Variants in SMO observed in about 807,000 individuals in gnomAD.
The protein encoded by SMO is protein smoothened.
Under a neutral mutation model 81.6 loss-of-function variants are expected in SMO, and 40 were observed. The observed-to-expected ratio is 0.49, with a 90% confidence interval of 0.38 to 0.64. SMO has a LOEUF of 0.64. SMO is among the 30% of genes least tolerant of loss of function. The pLI is 0.00. For synonymous variants in SMO, 434 were observed against 432.1 expected, an observed-to-expected ratio of 1.00 and a Z score of -0.05; for missense variants, 916 against 1,061.1, an observed-to-expected ratio of 0.86 and a Z score of 1.90.
rs1793884583 is a variant in SMO, at chr7:129,212,191, C to T, written c.2104C>T (p.Pro702Ser). ...HPPAPAPSTI[P>S]RLPQLPRQKC... ...CCCTGCCCCTGCCCCCAGTACCATT[C>T]CTCGACTGCCTCAGCTGCCCCGGCA... is the stretch of plus-strand genomic sequence containing the variant. The change falls in exon 12 of 12, where the codon CCT (proline) becomes TCT (serine). Residue 702 changes from proline to serine, a missense_variant. Around this residue, in one of 4 missense-constraint regions of SMO, gnomAD observed 324 missense variants for 312.9 expected, o/e 1.04. Transcript: ENST00000249373. This position sits in a 1 kb window ranked among gnomAD's most constrained non-coding sequence, Gnocchi z 5.0. 1 of 1,559,390 alleles carries T rather than the reference C, an allele frequency of 6.4e-7. No individual in the cohort carries two copies. Among genetic ancestry groups the T allele is most frequent in the African/African-American group, 1.4e-5 (1 of 73,370 alleles).
Position 129,206,351 on chromosome 7 carries a change from A to T in SMO, c.1122A>T (p.Ala374=), listed in dbSNP as rs772520827. Residue 374 remains alanine (A), a synonymous_variant, in exon 5 of 12, where the codon GCA becomes GCT. Coordinates refer to ENST00000249373, the MANE Select transcript of SMO (RefSeq NM_005631.5). The surrounding 1 kb of genome is among the most constrained non-coding windows in gnomAD (Gnocchi z 4.4). ...CACTCCCCTTTGTCCTCACTGTGGC[A>T]ATCCTTGCTGTGGCGCAGGTATAGT... is the stretch of plus-strand genomic sequence containing the variant. The part of the protein sequence containing the change: ...TWSLPFVLTV[A]ILAVAQVDGD... The T allele has an allele frequency of 1.2e-5, 19 of 1,614,144 alleles. No homozygotes were observed. The South Asian group carries it at 2.1e-4, about 18-fold the overall frequency.
rs2150656431 is a variant in SMO at position 129,212,091 on chromosome 7, C to T, written c.2004C>T (p.Arg668=). The change falls in exon 12 of 12, where the codon CGC becomes CGT. Residue 668 remains arginine (R), a synonymous_variant. Coordinates refer to ENST00000249373, the MANE Select transcript of SMO (RefSeq NM_005631.5). This position sits in a 1 kb window ranked among gnomAD's most constrained non-coding sequence, Gnocchi z 5.0. ...EAEISPELQK[R]LGRKKKRRKR... is the part of the protein sequence containing the mutation. Reference sequence around the variant, plus strand: ...AGATCTCCCCAGAGCTGCAGAAGCGCCTGGGCCGGAAGAAGAAGAGGAGGA... The same window carrying T: ...AGATCTCCCCAGAGCTGCAGAAGCGTCTGGGCCGGAAGAAGAAGAGGAGGA... 2 of 1,582,538 alleles carry T rather than the reference C, an allele frequency of 1.3e-6. No individual in the cohort carries two copies. The highest frequency in any genetic ancestry group is 1.1e-5 in the South Asian group (1 of 87,860).
chr7:129,206,192 G>A lies in SMO; in HGVS notation c.963G>A (p.Val321=), dbSNP rs781530603. The change falls in exon 5 of 12, where the codon GTG becomes GTA. Residue 321 remains valine, a synonymous_variant. Transcript: ENST00000249373. The surrounding 1 kb of genome is among the most constrained non-coding windows in gnomAD (Gnocchi z 4.4). ...TLSCVIIFVI[V]YYALMAGVVW... Reference sequence around the variant, plus strand: ...CCTGCGTCATCATCTTTGTCATCGTGTACTACGCCCTGATGGCTGGTGTGG... The same window carrying A: ...CCTGCGTCATCATCTTTGTCATCGTATACTACGCCCTGATGGCTGGTGTGG... The A allele has an allele frequency of 6.2e-6, 10 of 1,613,522 alleles. No homozygotes were observed. The highest frequency in any genetic ancestry group is 3.4e-6 in the Non-Finnish European group (4 of 1,179,672).
chr7:129,188,760 G>C lies in SMO; in HGVS notation c.-392G>C. 5.2e-6 allele frequency: 1 copy of C among 192,028 alleles called. No homozygotes were observed. 11.9% of individuals were successfully genotyped at this position (192,028 alleles called of 1,614,324 possible). A position where few individuals can be genotyped will look rare whatever the true frequency, so the allele number is the denominator to read the frequency against. On this transcript the variant is annotated 5_prime_UTR_variant, in exon 1 of 12. Coordinates refer to ENST00000249373, the MANE Select transcript of SMO (RefSeq NM_005631.5). The surrounding 1 kb of genome is among the most constrained non-coding windows in gnomAD (Gnocchi z 4.9). ...GCGGGCTGGCGCGGGGGCGGAGCCG[G>C]AGCTGCACTCGCACCCCCGGCCCGC...
rs369763964 is a variant in SMO, at chr7:129,210,348, G to C, written c.1467-15G>C. The C allele has an allele frequency of 5.0e-6, 8 of 1,603,314 alleles. No individual in the cohort carries two copies. Among genetic ancestry groups the C allele is most frequent in the Non-Finnish European group, 6.8e-6 (8 of 1,170,326 alleles). ...AGAAAGGAAAGCCTCACCTGTCTAC[G>C]TTCCCTCACTGTAGATGTCAGGCCA... On this transcript the variant is annotated splice_polypyrimidine_tract_variant and intron_variant, in intron 8 of 11. Transcript: ENST00000249373. The surrounding 1 kb of genome is among the most constrained non-coding windows in gnomAD (Gnocchi z 4.7).
At chr7:129,203,841 T>G (rs1234256487) in intron 2 of SMO, among the ~76,000 whole-genome samples, 3 of 152,132 alleles carry the variant, frequency 2.0e-5, no homozygotes, top group African/African-American at 4.8e-5. Flanking sequence ...TTGGGTGTTG[T>G]GGTGTTACGG....
In SMO at chr7:129,211,643, G is replaced by C; in HGVS notation, c.1809G>C (p.Leu603Phe). The C allele has an allele frequency of 1.9e-6, 3 of 1,612,874 alleles. No individual in the cohort carries two copies. The highest frequency in any genetic ancestry group is 2.5e-6 in the Non-Finnish European group (3 of 1,179,946). The part of the protein sequence containing the change: ...TVSHDGPVAG[L>F]AFDLNEPSAD... Reference sequence around the variant, plus strand: ...TTCCTTCCATTCCCACAGCGGGCTTGGCCTTTGACCTCAATGAGCCCTCAG... The same window carrying C: ...TTCCTTCCATTCCCACAGCGGGCTTCGCCTTTGACCTCAATGAGCCCTCAG... The change falls in exon 11 of 12, where the codon TTG becomes TTC. Residue 603 changes from leucine (L) to phenylalanine (F), a missense_variant. Around this residue, in one of 4 missense-constraint regions of SMO, gnomAD observed 324 missense variants for 312.9 expected, o/e 1.04. Transcript: ENST00000249373. The surrounding 1 kb of genome is among the most constrained non-coding windows in gnomAD (Gnocchi z 4.6).
chr7:129,203,427 G>T lies in SMO; in HGVS notation c.375G>T (p.Leu125=), dbSNP rs1332661231. 2 of 1,560,450 alleles carry T rather than the reference G, an allele frequency of 1.3e-6. No homozygotes were observed. The highest frequency in any genetic ancestry group is 1.7e-6 in the Non-Finnish European group (2 of 1,151,916). Residue 125 remains leucine (L), a synonymous_variant, in exon 2 of 12, where the codon CTG becomes CTT. Transcript: ENST00000249373. The part of the protein sequence containing the change: ...APRCWAVIQP[L]LCAVYMPKCE... Reference sequence around the variant, plus strand: ...GCTGCTGGGCAGTGATCCAGCCCCTGCTGTGTGCCGTATACATGCCCAAGT... The same window carrying T: ...GCTGCTGGGCAGTGATCCAGCCCCTTCTGTGTGCCGTATACATGCCCAAGT...
rs1312680005 is a variant in SMO at position 129,211,363 on chromosome 7, C to T, written c.1801+250C>T. The stretch of plus-strand genomic sequence containing the variant: ...TTCCAAGAAGACTCCCCTCCCTCTC[C>T]CTTCTCATAAATTCTCCAGTTGCTC... On this transcript the variant is annotated intron_variant, in intron 10 of 11. Transcript: ENST00000249373. The surrounding 1 kb of genome is among the most constrained non-coding windows in gnomAD (Gnocchi z 4.6). 1.4e-6 allele frequency: 1 copy of T among 708,326 alleles called. No individual in the cohort carries two copies. Among genetic ancestry groups the T allele is most frequent in the African/African-American group, 1.7e-5 (1 of 57,372 alleles). 43.9% of individuals were successfully genotyped at this position (708,326 alleles called of 1,614,324 possible). A position where few individuals can be genotyped will look rare whatever the true frequency, so the allele number is the denominator to read the frequency against.
intron 1 of SMO, among the ~76,000 whole-genome samples, chr7:129,191,153 T>A (rs980744435): frequency 1.3e-5 from 2 of 152,192 alleles, no homozygotes; most frequent in Non-Finnish European, 1.5e-5. Context: ...GTCCCTCTCT[T>A]TATTGATTGT....
At chr7:129,196,785 A>G (rs774483783) in intron 1 of SMO, among the ~76,000 whole-genome samples, 4 of 152,122 alleles carry the variant, frequency 2.6e-5, no homozygotes, top group Non-Finnish European at 5.9e-5. Flanking sequence ...CGGGAGGCCA[A>G]GGCAGGGGGA....
At chr7:129,194,701 T>C (rs987976208) in intron 1 of SMO, among the ~76,000 whole-genome samples, 1 of 152,254 alleles carries the variant, frequency 6.6e-6, no homozygotes, top group African/African-American at 2.4e-5. Context: ...GCTGTGCATA[T>C]TATTTCTTGC....
rs1461109867 is a variant in SMO, at chr7:129,206,563, G to A, written c.1240G>A (p.Val414Met). ...GGCCCCAATCGGCCTGGTGCTCATC[G>A]TGGGAGGCTACTTCCTCATCCGAGG... Reference protein sequence around the residue: ...VLAPIGLVLIVGGYFLIRGVM... With the variant: ...VLAPIGLVLIMGGYFLIRGVM... The change falls in exon 6 of 12, where the codon GTG becomes ATG. Residue 414 changes from valine (V) to methionine (M), a missense_variant. Coordinates refer to ENST00000249373, the MANE Select transcript of SMO (RefSeq NM_005631.5). The surrounding 1 kb of genome is among the most constrained non-coding windows in gnomAD (Gnocchi z 4.4). The A allele has an allele frequency of 8.7e-6, 14 of 1,614,092 alleles. No homozygotes were observed. Among genetic ancestry groups the A allele is most frequent in the East Asian group, 6.7e-5 (3 of 44,890 alleles).
intron 1 of SMO, among the ~76,000 whole-genome samples, chr7:129,196,332 T>TGTGC (rs2150642768): frequency 6.6e-6 from 1 of 150,386 alleles, no homozygotes; most frequent in South Asian, 2.1e-4. Flanking sequence ...CTTGATTGTG[T>TGTGC]GTGTGTGTGT....
chr7:129,192,804 C>T (rs914871555), intron 1 of SMO, among the ~76,000 whole-genome samples: 31 of 152,074 alleles, frequency 2.0e-4, no homozygotes, highest in Admixed American at 1.4e-3. Context: ...TGATTTTGGC[C>T]GTGTGAATTA....
intron 1 of SMO, among the ~76,000 whole-genome samples, chr7:129,196,015 G>A (rs1434632637): frequency 6.6e-6 from 1 of 151,216 alleles, no homozygotes; most frequent in Non-Finnish European, 1.5e-5. Context: ...GCAGGAAAAT[G>A]GTGTGAACCC....
At chr7:129,209,196 A>G in intron 7 of SMO, 93 bp from the exon 8 acceptor site, 1 of 750,570 alleles carries the variant, frequency 1.3e-6, no homozygotes, top group East Asian at 2.5e-5. Flanking sequence ...CAGCTGGGTG[A>G]ACTTTGAGGC....
At chr7:129,190,674 CTGGAGGAGGAACT>C (rs978563053) in intron 1 of SMO, among the ~76,000 whole-genome samples, 3 of 152,210 alleles carry the variant, frequency 2.0e-5, no homozygotes, top group African/African-American at 7.2e-5. Context: ...GGTGCAGATG[CTGGAGGAGGAACT>C]TGGAGGATGG....
At chr7:129,198,922 G>A (rs1313275658) in intron 1 of SMO, among the ~76,000 whole-genome samples, 1 of 152,142 alleles carries the variant, frequency 6.6e-6, no homozygotes, top group Admixed American at 6.5e-5. Context: ...TATTATAATG[G>A]TGTACATTAT....
Sources: allele counts gnomAD v4.1 joint callset (sites outside exome capture counted in the v4.1 genomes callset), GRCh38; gene constraint gnomAD v4.1.1; regional missense constraint gnomAD v4.1.1; non-coding constraint Gnocchi (gnomAD v3.1); transcripts MANE v1.5; gene names NCBI Gene and HGNC (gene_info 2026-07-23, HGNC 2026-07-21).